Variants in RNF6 observed in about 807,000 individuals in gnomAD.
RNF6 encodes the protein ring finger protein 6, also known as E3 ubiquitin-protein ligase RNF6.
A neutral mutation model predicts 50.1 loss-of-function variants in RNF6; 21 were observed. That is an observed-to-expected ratio of 0.42 (90% CI 0.30 to 0.60). RNF6 has a LOEUF of 0.60. RNF6 is among the 20% of genes least tolerant of loss of function. The pLI is 0.20. For missense variants in RNF6, 698 were observed against 838.2 expected (o/e 0.83, Z 2.07); for synonymous variants, 255 against 291.8 (o/e 0.87, Z 1.29).
chr13:26,150,696 T>C (rs1403894286), intron 5 of RNF6: 1 of 151,156 alleles, frequency 6.6e-6, no homozygotes, highest in East Asian at 1.9e-4. Flanking sequence ...AACTATAGAC[T>C]TAAAGGAATT....
chr13:26,170,434 T>C (rs1324488401), intron 5 of RNF6, among the ~76,000 whole-genome samples: 1 of 152,226 alleles, frequency 6.6e-6, no homozygotes, highest in Non-Finnish European at 1.5e-5. Flanking sequence ...GGAATTTTCC[T>C]GCCATCATTT....
At chr13:26,202,254 G>T (rs1373060434) in intron 5 of RNF6, among the ~76,000 whole-genome samples, 1 of 152,166 alleles carries the variant, frequency 6.6e-6, no homozygotes, top group Non-Finnish European at 1.5e-5. Context: ...TATCAGATGA[G>T]ACAATGAGCA....
chr13:26,182,365 A>G (rs1005856764), intron 5 of RNF6, among the ~76,000 whole-genome samples: 1 of 152,240 alleles, frequency 6.6e-6, no homozygotes, highest in East Asian at 1.9e-4. Flanking sequence ...TTTGGCAAAA[A>G]TGTTACATAG....
intron 5 of RNF6, among the ~76,000 whole-genome samples, chr13:26,186,663 A>C (rs575621915): frequency 8.2e-4 from 125 of 152,320 alleles, no homozygotes; most frequent in African/African-American, 3.0e-3. Context: ...CAGCGGCGCT[A>C]TACCTTCGGC....
At chr13:26,181,099 A>AG (rs1267044809) in intron 5 of RNF6, among the ~76,000 whole-genome samples, 1 of 152,084 alleles carries the variant, frequency 6.6e-6, no homozygotes, top group Non-Finnish European at 1.5e-5. Context: ...CAGTCTAGGA[A>AG]GGGGGGTCAC....
At chr13:26,138,373 A>G (rs1870758345) in intron 5 of RNF6, among the ~76,000 whole-genome samples, 1 of 152,202 alleles carries the variant, frequency 6.6e-6, no homozygotes, top group African/African-American at 2.4e-5. Context: ...TCAGCCTGAA[A>G]TGAAAGGTTA....
downstream of RNF6, among the ~76,000 whole-genome samples, chr13:26,211,595 A>G (rs927393884): frequency 6.6e-6 from 1 of 152,058 alleles, no homozygotes; most frequent in East Asian, 1.9e-4. Flanking sequence ...TGTCTCTACT[A>G]AAAATACAGA....
chr13:26,174,864 C>T (rs184503596), intron 5 of RNF6, among the ~76,000 whole-genome samples: 5 of 152,004 alleles, frequency 3.3e-5, no homozygotes, highest in Non-Finnish European at 5.9e-5. Flanking sequence ...CCAGGCTTGC[C>T]GTCCCTACAC....
At chr13:26,149,221 A>G (rs1006808453) in intron 5 of RNF6, 1 of 152,182 alleles carries the variant, frequency 6.6e-6, no homozygotes, top group African/African-American at 2.4e-5. Context: ...TTATGGGGGA[A>G]AAATTCATTA....
At position 26,172,637 on chromosome 13, in the gene RNF6, G is replaced by A. The variant is rs188627761; in HGVS notation, n.769-40186C>T. 3.3e-5 allele frequency among the ~76,000 whole-genome samples: 5 copies of A among 151,922 alleles called. No homozygotes were observed. In the East Asian group the frequency reaches 7.8e-4, roughly 24 times the overall value. Reference sequence around the variant, plus strand: ...GGGCCCACGGAAAGCTCTGCCTGCCGGGTTCACGCCATTGTCCTGCCTCAG... The same window carrying A: ...GGGCCCACGGAAAGCTCTGCCTGCCAGGTTCACGCCATTGTCCTGCCTCAG... On this transcript the variant is annotated intron_variant and non_coding_transcript_variant, in intron 5 of 5. Transcript: ENST00000468480.
intron 5 of RNF6, among the ~76,000 whole-genome samples, chr13:26,199,039 A>C (rs1028359408): frequency 1.3e-5 from 2 of 151,842 alleles, no homozygotes; most frequent in African/African-American, 4.9e-5. Flanking sequence ...TATTGTTAAG[A>C]TATCAGTTCA....
At chr13:26,151,282 A>G (rs745735262) in intron 5 of RNF6, among the ~76,000 whole-genome samples, 24 of 151,370 alleles carry the variant, frequency 1.6e-4, no homozygotes, top group Non-Finnish European at 3.1e-4. Flanking sequence ...TTTTTTTATG[A>G]GACAGAATTT....
chr13:26,159,156 G>C (rs898711015), intron 5 of RNF6, among the ~76,000 whole-genome samples: 1 of 152,036 alleles, frequency 6.6e-6, no homozygotes, highest in African/African-American at 2.4e-5. Context: ...TTAATATTTA[G>C]TGTAAACATT....
At chr13:26,181,148 C>T (rs1044676781) in intron 5 of RNF6, among the ~76,000 whole-genome samples, 2 of 152,192 alleles carry the variant, frequency 1.3e-5, no homozygotes, top group African/African-American at 4.8e-5. Context: ...GATCCAGGTA[C>T]TCCTTGGTTC....
intron 4 of RNF6, 61 bp from the exon 5 acceptor site, chr13:26,215,653 GA>G (rs1437347296): frequency 7.2e-7 from 1 of 1,388,148 alleles, no homozygotes; most frequent in Non-Finnish European, 9.6e-7. Context: ...CAGCTTTATT[GA>G]AAACTTGTAA....
intron 5 of RNF6, among the ~76,000 whole-genome samples, chr13:26,192,153 A>T (rs571091024): frequency 3.9e-5 from 6 of 152,352 alleles, no homozygotes; most frequent in African/African-American, 1.4e-4. Flanking sequence ...CAAGTAAGAT[A>T]GGAAGTTGCA....
At chr13:26,180,315 G>A (rs374299697) in intron 5 of RNF6, among the ~76,000 whole-genome samples, 6 of 152,242 alleles carry the variant, frequency 3.9e-5, no homozygotes, top group African/African-American at 1.4e-4. Context: ...TTCCTACTAG[G>A]GTGTCTCAAG....
chr13:26,144,441 G>A (rs991487103), intron 5 of RNF6, among the ~76,000 whole-genome samples: 2 of 148,356 alleles, frequency 1.3e-5, no homozygotes, highest in Non-Finnish European at 3.0e-5. Context: ...AAATTTCCCT[G>A]TCACCAATTT....
rs117900579 is a variant in RNF6 at position 26,217,508 on chromosome 13, T to C, written c.289+1003A>G. 4.9e-4 allele frequency among the ~76,000 whole-genome samples: 75 copies of C among 152,358 alleles called. No individual in the cohort carries two copies. The East Asian group carries it at 0.011, about 22-fold the overall frequency. On this transcript the variant is annotated intron_variant, in intron 4 of 4. Coordinates refer to ENST00000381588, the MANE Select transcript of RNF6 (RefSeq NM_005977.4). ...ATGAATGGAATGGGAGAGTAAGCGATACATCCTACTCTCACGCTAGTGCGT... is the reference window on the plus strand; with the variant it reads ...ATGAATGGAATGGGAGAGTAAGCGACACATCCTACTCTCACGCTAGTGCGT...
Sources: allele counts gnomAD v4.1 joint callset (sites outside exome capture counted in the v4.1 genomes callset), GRCh38; gene constraint gnomAD v4.1.1; transcripts MANE v1.5; gene names NCBI Gene and HGNC (gene_info 2026-07-23, HGNC 2026-07-21).